CCNB1IP1: variants seen among roughly 807,000 people sequenced by gnomAD.
CCNB1IP1 encodes cyclin B1 interacting protein 1.
CCNB1IP1 carries 14 observed loss-of-function variants against 25.6 expected under a neutral mutation model. The observed-to-expected ratio is 0.55, with a 90% CI of 0.36 to 0.85. CCNB1IP1 has a LOEUF of 0.85. Ranked by LOEUF, CCNB1IP1 falls within the 40% of genes least tolerant of loss-of-function variation. The pLI, the probability that CCNB1IP1 is intolerant of heterozygous loss-of-function variation, is 0.01. For synonymous variants in CCNB1IP1, 119 were observed against 116.1 expected (o/e 1.02, Z -0.16); for missense variants, 278 against 342.4 (o/e 0.81, Z 1.48).
chr14:20,320,390 T>C, intron 4 of CCNB1IP1: 1 of 452,388 alleles, frequency 2.2e-6, no homozygotes, highest in South Asian at 1.6e-5. Flanking sequence ...GTCTGTAACA[T>C]TCCTAGGTTA....
Position 20,316,272 on chromosome 14 carries a change from G to C in CCNB1IP1, c.252C>G (p.Ile84Met), listed in dbSNP as rs17242578. The change falls in exon 5 of 7, where the codon ATC becomes ATG. Residue 84 changes from isoleucine (I) to methionine (M), a missense_variant. By Grantham distance (10) the Ile-to-Met change is conservative. Coordinates refer to ENST00000358932, the MANE Select transcript of CCNB1IP1 (RefSeq NM_021178.5). Reference protein sequence around the residue: ...AMVLAGLRPEIVLDISSRALA... With the variant: ...AMVLAGLRPEMVLDISSRALA... ...GCGCTCGGGAGCTAATGTCCAACAC[G>C]ATCTCTGGTCGCAGTCCTGCCAATA... 1.9e-6 allele frequency: 3 copies of C among 1,613,862 alleles called. No individual in the cohort carries two copies. Among genetic ancestry groups the C allele is most frequent in the Non-Finnish European group, 2.5e-6 (3 of 1,179,850 alleles).
Position 20,316,258 on chromosome 14 carries a change from C to T in CCNB1IP1, c.266G>A (p.Ser89Asn). Residue 89 changes from serine (S) to asparagine (N), a missense_variant, in exon 5 of 7, where the codon AGC becomes AAC. By Grantham distance (46) the Ser-to-Asn change is conservative. Coordinates refer to ENST00000358932, the MANE Select transcript of CCNB1IP1 (RefSeq NM_021178.5). ...GLRPEIVLDI[S>N]SRALAFWTYQ... ...TGTCCAGAAGGCCAGCGCTCGGGAG[C>T]TAATGTCCAACACGATCTCTGGTCG... is the stretch of plus-strand genomic sequence containing the variant. 6.2e-7 allele frequency: 1 copy of T among 1,613,964 alleles called. No homozygotes were observed. Among genetic ancestry groups the T allele is most frequent in the South Asian group, 1.1e-5 (1 of 91,084 alleles).
At chr14:20,331,254 C>A (rs914316555) in intron 1 of CCNB1IP1, among the ~76,000 whole-genome samples, 1 of 152,202 alleles carries the variant, frequency 6.6e-6, no homozygotes, top group Non-Finnish European at 1.5e-5. Flanking sequence ...CCTGTGAATA[C>A]AAAGATGACT....
intron 4 of CCNB1IP1, among the ~76,000 whole-genome samples, chr14:20,317,273 G>A (rs2138849890): frequency 6.6e-6 from 1 of 150,422 alleles, no homozygotes; most frequent in Admixed American, 6.6e-5. Flanking sequence ...GGGTGTGGTG[G>A]CGGGCGCCTG....
chr14:20,320,861 G>C (rs1459702573), intron 4 of CCNB1IP1, among the ~76,000 whole-genome samples: 1 of 150,256 alleles, frequency 6.7e-6, no homozygotes, highest in Non-Finnish European at 1.5e-5. Flanking sequence ...AATCAGGCCA[G>C]GCGCAATGGC....
intron 4 of CCNB1IP1, among the ~76,000 whole-genome samples, chr14:20,325,278 G>A (rs190824702): frequency 0.045 from 6,822 of 151,496 alleles, 217 homozygotes; most frequent in Middle Eastern, 0.1. Flanking sequence ...AAAATTAGCC[G>A]GGCGTAGTGG....
In CCNB1IP1 at chr14:20,316,551, GAA is replaced by G. The variant is rs1882703730; in HGVS notation, c.-30_-29del. ...TAGGATAGTGAGGTCTCCAGAAGCT[GAA>G]GAGAGGCCTAAGAAGGGGTAAATAA... is the stretch of plus-strand genomic sequence containing the variant. On this transcript the variant is annotated 5_prime_UTR_variant, in exon 5 of 7. Coordinates refer to ENST00000358932, the MANE Select transcript of CCNB1IP1 (RefSeq NM_021178.5). 1 of 1,580,478 alleles carries G rather than the reference GAA, an allele frequency of 6.3e-7. No individual in the cohort carries two copies. Among genetic ancestry groups the G allele is most frequent in the Non-Finnish European group, 8.6e-7 (1 of 1,161,628 alleles).
chr14:20,326,511 T>C, intron 3 of CCNB1IP1: 1 of 534,766 alleles, frequency 1.9e-6, no homozygotes, highest in South Asian at 1.4e-5. Context: ...TAACATGCAT[T>C]TCATCATGGC....
intron 2 of CCNB1IP1, among the ~76,000 whole-genome samples, chr14:20,328,438 T>C (rs1883141881): frequency 6.6e-6 from 1 of 152,230 alleles, no homozygotes; most frequent in Non-Finnish European, 1.5e-5. Flanking sequence ...TAGCTTTAAC[T>C]ATGTAAAATG....
At chr14:20,328,117 T>A (rs11623831) in intron 2 of CCNB1IP1, among the ~76,000 whole-genome samples, 68,417 of 151,986 alleles carry the variant, frequency 0.45, 17,099 homozygotes, top group African/African-American at 0.68. Flanking sequence ...TCTGTCAAGC[T>A]GTATAGAATT....
chr14:20,327,910 A>G (rs1883124693), intron 2 of CCNB1IP1, among the ~76,000 whole-genome samples: 1 of 152,208 alleles, frequency 6.6e-6, no homozygotes, highest in Admixed American at 6.5e-5. Flanking sequence ...ATAAGTAACC[A>G]CTTAATTAGA....
In CCNB1IP1 at chr14:20,313,448, T is replaced by C. The variant is rs1882570638; in HGVS notation, c.631+20A>G. 6.5e-7 allele frequency: 1 copy of C among 1,538,904 alleles called. No individual in the cohort carries two copies. The highest frequency in any genetic ancestry group is 1.4e-5 in the African/African-American group (1 of 72,130). ...ATCATTGATTTAAAGAACAGACACT[T>C]GATACATGTCCTTTCTTACCTAATG... On this transcript the variant is annotated intron_variant, in intron 6 of 6. Coordinates refer to ENST00000358932, the MANE Select transcript of CCNB1IP1 (RefSeq NM_021178.5).
At chr14:20,322,843 G>A (rs1434497061) in intron 4 of CCNB1IP1, among the ~76,000 whole-genome samples, 2 of 151,818 alleles carry the variant, frequency 1.3e-5, no homozygotes, top group Non-Finnish European at 1.5e-5. Flanking sequence ...GGCTGGTCTC[G>A]AACTCCTGAC....
chr14:20,331,625 T>C (rs1328592649), intron 1 of CCNB1IP1, among the ~76,000 whole-genome samples: 2 of 152,138 alleles, frequency 1.3e-5, no homozygotes, highest in African/African-American at 4.8e-5. Flanking sequence ...GAATACCTAC[T>C]GATAAAAGCT....
At chr14:20,322,621 AAT>A (rs1491286197) in intron 4 of CCNB1IP1, among the ~76,000 whole-genome samples, 26 of 126,662 alleles carry the variant, frequency 2.1e-4, no homozygotes, top group South Asian at 1.1e-3. Context: ...ATATATATAT[AAT>A]TTTTTTTTTT....
At chr14:20,330,217 T>G (rs1883193874) in intron 1 of CCNB1IP1, among the ~76,000 whole-genome samples, 1 of 152,150 alleles carries the variant, frequency 6.6e-6, no homozygotes, top group African/African-American at 2.4e-5. Flanking sequence ...AAGTATTGCA[T>G]GTTCTCACTT....
chr14:20,326,425 A>G (rs750739764), intron 3 of CCNB1IP1: 5 of 525,254 alleles, frequency 9.5e-6, no homozygotes, highest in Admixed American at 2.0e-5. Context: ...GCAGAATTCA[A>G]TTGCAGGTGT....
intron 4 of CCNB1IP1, chr14:20,317,547 G>A (rs997195530): frequency 6.6e-6 from 1 of 152,236 alleles, no homozygotes; most frequent in African/African-American, 2.4e-5. Context: ...TTTTACATCC[G>A]GCAGAGTAGG....
intron 6 of CCNB1IP1, among the ~76,000 whole-genome samples, chr14:20,312,723 G>A (rs1042758035): frequency 2.6e-5 from 4 of 151,060 alleles, no homozygotes; most frequent in South Asian, 2.1e-4. Flanking sequence ...GATTCATTCC[G>A]TCTGCAAGGC....
Sources: gnomAD v4.1 joint callset for allele counts (sites outside exome capture counted in the v4.1 genomes callset) on GRCh38, gnomAD v4.1.1 for gene constraint, MANE v1.5 for transcripts, NCBI Gene and HGNC (gene_info 2026-07-23, HGNC 2026-07-21) for gene names.